The following TAF5 variants were observed in gnomAD, a reference collection of about 807,000 sequenced individuals.
TAF5 encodes transcription initiation factor TFIID subunit 5.
Under a neutral mutation model 80.9 loss-of-function variants are expected in TAF5, and 20 were observed. The observed-to-expected ratio is 0.25, with a 90% CI of 0.17 to 0.36. The LOEUF (loss-of-function observed/expected upper bound fraction) is 0.36. Among genes scored for constraint, TAF5 ranks in the 10% least tolerant of loss-of-function variants. The probability of loss-of-function intolerance (pLI) is 1.00; values close to 1 mark genes in which losing one functional copy is unlikely to be tolerated. For missense variants in TAF5, 863 were observed against 1,029.4 expected (o/e 0.84, Z 2.21); for synonymous variants, 388 against 406.4 (o/e 0.95, Z 0.55).
At position 103,373,369 on chromosome 10, in the gene TAF5, G is replaced by T. The variant is rs755130210; in HGVS notation, c.571G>T (p.Ala191Ser). The change falls in exon 2 of 11, where the codon GCT (alanine) becomes TCT (serine). Residue 191 changes from alanine (A) to serine (S), a missense_variant. By Grantham distance (99) the Ala-to-Ser change is moderately conservative. Around this residue, in one of 3 missense-constraint regions of TAF5, gnomAD observed 367 missense variants for 335.5 expected, o/e 1.09. Coordinates refer to ENST00000369839, the MANE Select transcript of TAF5 (RefSeq NM_006951.5). ...PAAPGKVGSV[A>S]VEDQPDVSAV... ...TGTTTTTTAAATAGTTGGAAGTGTT[G>T]CTGTGGAAGACCAGCCAGATGTCAG... is the stretch of plus-strand genomic sequence containing the variant. 6 of 1,613,730 alleles carry T rather than the reference G, an allele frequency of 3.7e-6. No individual in the cohort carries two copies. Among genetic ancestry groups the T allele is most frequent in the South Asian group, 2.2e-5 (2 of 90,958 alleles).
rs923532531 is a variant in TAF5, at chr10:103,368,450, C to G, written c.461C>G (p.Ser154Trp). The G allele has an allele frequency of 1.3e-6, 2 of 1,582,468 alleles. No individual in the cohort carries two copies. The highest frequency in any genetic ancestry group is 1.1e-5 in the South Asian group (1 of 88,822). Residue 154 changes from serine to tryptophan, a missense_variant, in exon 1 of 11, where the codon TCG (serine) becomes TGG (tryptophan). By Grantham distance (177) the Ser-to-Trp change is radical. Transcript: ENST00000369839. Reference protein sequence around the residue: ...TSALLSRVTASAPGPAAPDPP... With the variant: ...TSALLSRVTAWAPGPAAPDPP... ...GCGCTTCTCAGCCGGGTGACCGCCT[C>G]GGCCCCTGGCCCTGCGGCCCCCGAC...
intron 1 of TAF5, 83 bp downstream of exon 1, chr10:103,368,631 T>TG: frequency 7.2e-7 from 1 of 1,387,620 alleles, no homozygotes; most frequent in Non-Finnish European, 9.3e-7. Context: ...CCTGCACCTC[T>TG]GCGGGCTTGT....
chr10:103,374,941 G>T lies in TAF5; in HGVS notation c.797+1346G>T, dbSNP rs1360108221. Reference sequence around the variant, plus strand: ...CAGGAGTTTGAGACCAGCCTGGTGAGACCTAGTCTCTTCAAAAAAATGCAA... The same window carrying T: ...CAGGAGTTTGAGACCAGCCTGGTGATACCTAGTCTCTTCAAAAAAATGCAA... On this transcript the variant is annotated intron_variant, in intron 2 of 10. Coordinates refer to ENST00000369839, the MANE Select transcript of TAF5 (RefSeq NM_006951.5). This position sits in a 1 kb window ranked among gnomAD's most constrained non-coding sequence, Gnocchi z 4.3. 6.6e-6 allele frequency among the ~76,000 whole-genome samples: 1 copy of T among 151,786 alleles called. No individual in the cohort carries two copies. The highest frequency in any genetic ancestry group is 1.5e-5 in the Non-Finnish European group (1 of 67,922).
At position 103,388,249 on chromosome 10, in the gene TAF5, A is replaced by G. The variant is rs748594389; in HGVS notation, c.*26A>G. 2 of 1,577,122 alleles carry G rather than the reference A, an allele frequency of 1.3e-6. No homozygotes were observed. Among genetic ancestry groups the G allele is most frequent in the Non-Finnish European group, 1.7e-6 (2 of 1,159,642 alleles). ...ACCATCGGTATTAAAGACCTTTTGGAAGCTACTGTTTTTAAAAAGGGAGAC... is the reference window on the plus strand; with the variant it reads ...ACCATCGGTATTAAAGACCTTTTGGGAGCTACTGTTTTTAAAAAGGGAGAC... On this transcript the variant is annotated 3_prime_UTR_variant, in exon 11 of 11. Transcript: ENST00000369839.
At chr10:103,385,518 G>A in intron 8 of TAF5, 28 bp downstream of exon 8, 1 of 1,608,718 alleles carries the variant, frequency 6.2e-7, no homozygotes, top group East Asian at 2.2e-5. Flanking sequence ...TTATGACTGG[G>A]TCTATTCAAT....
chr10:103,378,643 C>G lies in TAF5; in HGVS notation c.1113+93C>G. The G allele has an allele frequency of 7.2e-7, 1 of 1,380,684 alleles. No individual in the cohort carries two copies. The highest frequency in any genetic ancestry group is 9.7e-7 in the Non-Finnish European group (1 of 1,031,722). 85.5% of individuals were successfully genotyped at this position (1,380,684 alleles called of 1,614,324 possible). On this transcript the variant is annotated intron_variant, in intron 3 of 10. Coordinates refer to ENST00000369839, the MANE Select transcript of TAF5 (RefSeq NM_006951.5). This position sits in a 1 kb window ranked among gnomAD's most constrained non-coding sequence, Gnocchi z 4.1. Reference sequence around the variant, plus strand: ...AGTTACACATTTTTCTTATAGCTAGCTTGGAAACAATTTTTTTCGTTTGTT... The same window carrying G: ...AGTTACACATTTTTCTTATAGCTAGGTTGGAAACAATTTTTTTCGTTTGTT...
Position 103,368,259 on chromosome 10 carries a change from T to G in TAF5, c.270T>G (p.Ala90=), listed in dbSNP as rs753387102. 5 of 1,521,162 alleles carry G rather than the reference T, an allele frequency of 3.3e-6. No individual in the cohort carries two copies. Among genetic ancestry groups the G allele is most frequent in the Non-Finnish European group, 3.5e-6 (4 of 1,141,084 alleles). The allele number at this position is 1,521,162 out of a possible 1,614,324, so 94.2% of individuals were successfully genotyped here. A position where few individuals can be genotyped will look rare whatever the true frequency, so the allele number is the denominator to read the frequency against. The change falls in exon 1 of 11, where the codon GCT becomes GCG. Residue 90 remains alanine, a synonymous_variant. Transcript: ENST00000369839. The part of the protein sequence containing the change: ...PVPAAAPDAG[A]PHDRQTLLAV... ...CCGCCGCTGCTCCGGACGCCGGCGC[T>G]CCGCATGACCGACAGACTCTACTGG...
rs145426026 is a variant in TAF5 at position 103,377,918 on chromosome 10, C to A, written c.798-317C>A. On this transcript the variant is annotated intron_variant, in intron 2 of 10. Coordinates refer to ENST00000369839, the MANE Select transcript of TAF5 (RefSeq NM_006951.5). ...TATATTTTCAAATGTCTACCAGTTT[C>A]TTTTAAATGTCTCCATTCTAAAGAA... Among the ~76,000 whole-genome samples the A allele has an allele frequency of 4.5e-4, 69 of 152,164 alleles. 1 individual carries two copies. The East Asian group carries it at 0.012, about 27-fold the overall frequency.
chr10:103,382,515 A>G (rs931902727), intron 6 of TAF5, among the ~76,000 whole-genome samples: 1 of 151,364 alleles, frequency 6.6e-6, no homozygotes, highest in African/African-American at 2.4e-5. Flanking sequence ...GCTCACTGCA[A>G]CCTCCACCTC....
At position 103,373,450 on chromosome 10, in the gene TAF5, T is replaced by C; in HGVS notation, c.652T>C (p.Tyr218His). The change falls in exon 2 of 11, where the codon TAT becomes CAT. Residue 218 changes from tyrosine (Y) to histidine (H), a missense_variant. Coordinates refer to ENST00000369839, the MANE Select transcript of TAF5 (RefSeq NM_006951.5). ...AGATCCCACAATGTATGAAGAATAC[T>C]ATAGTGGACTGAAACACTTCATTGA... ...QGDPTMYEEYYSGLKHFIECS... is the reference protein window; with the variant it reads ...QGDPTMYEEYHSGLKHFIECS... 1 of 1,614,212 alleles carries C rather than the reference T, an allele frequency of 6.2e-7. No individual in the cohort carries two copies. The highest frequency in any genetic ancestry group is 8.5e-7 in the Non-Finnish European group (1 of 1,180,028).
intron 6 of TAF5, 73 bp from the exon 7 acceptor site, chr10:103,383,165 C>T: frequency 7.3e-7 from 1 of 1,366,974 alleles, no homozygotes; most frequent in Non-Finnish European, 9.8e-7. Flanking sequence ...TCCTCTCCTG[C>T]ACTGTGATAT....
chr10:103,379,550 A>G, intron 3 of TAF5, 58 bp from the exon 4 acceptor site: 1 of 1,355,990 alleles, frequency 7.4e-7, no homozygotes, highest in Non-Finnish European at 1.0e-6. Flanking sequence ...ATCAAGATGT[A>G]AAATGGGTAT....
Position 103,378,581 on chromosome 10 carries a change from G to A in TAF5, c.1113+31G>A, listed in dbSNP as rs2093374830. 12 of 1,559,836 alleles carry A rather than the reference G, an allele frequency of 7.7e-6. No homozygotes were observed. The highest frequency in any genetic ancestry group is 1.2e-5 in the South Asian group (1 of 83,200). On this transcript the variant is annotated intron_variant, in intron 3 of 10. Coordinates refer to ENST00000369839, the MANE Select transcript of TAF5 (RefSeq NM_006951.5). The surrounding 1 kb of genome is among the most constrained non-coding windows in gnomAD (Gnocchi z 4.1). ...GGAATGAACCTAAGAACTCTATAATGCAGATTATGAAAAATTGTAGCATTT... is the reference window on the plus strand; with the variant it reads ...GGAATGAACCTAAGAACTCTATAATACAGATTATGAAAAATTGTAGCATTT...
intron 1 of TAF5, among the ~76,000 whole-genome samples, chr10:103,370,325 C>CTTTTTTTT (rs758002426): frequency 1.1e-5 from 1 of 88,946 alleles, no homozygotes; most frequent in African/African-American, 4.1e-5. Flanking sequence ...GGTTATGAGG[C>CTTTTTTTT]TTTTTTTTTT....
intron 1 of TAF5, 134 bp downstream of exon 1, chr10:103,368,682 C>G: frequency 8.2e-7 from 1 of 1,222,562 alleles, no homozygotes; most frequent in Non-Finnish European, 1.1e-6. Flanking sequence ...ACATGCCCGC[C>G]CCTTTCTCTA....
Position 103,388,152 on chromosome 10 carries a change from A to G in TAF5, c.2332A>G (p.Thr778Ala), listed in dbSNP as rs1431240574. 6.2e-7 allele frequency: 1 copy of G among 1,614,074 alleles called. No homozygotes were observed. The highest frequency in any genetic ancestry group is 1.3e-5 in the African/African-American group (1 of 75,052). Residue 778 changes from threonine (T) to alanine (A), a missense_variant, in exon 11 of 11, where the codon ACA becomes GCA. Thr to Ala is a moderately conservative substitution (Grantham distance 58, BLOSUM62 0). Around this residue, in one of 3 missense-constraint regions of TAF5, gnomAD observed 368 missense variants for 461.7 expected, o/e 0.80. Transcript: ENST00000369839. ...LLLGTYMTKS[T>A]PVVHLHFTRR... ...GTTGGGAACATATATGACCAAATCA[A>G]CACCAGTTGTACACCTTCATTTTAC...
chr10:103,379,982 C>T lies in TAF5; in HGVS notation c.1376C>T (p.Pro459Leu). 1.9e-6 allele frequency: 3 copies of T among 1,613,864 alleles called. No homozygotes were observed. Among genetic ancestry groups the T allele is most frequent in the Non-Finnish European group, 2.5e-6 (3 of 1,179,938 alleles). ...GTGCGCCTTGGGCCGGACTGCTTAC[C>T]CTCCATTTGTTTCTATACATTTCTC... ...KRVRLGPDCLPSICFYTFLNA... is the reference protein window; with the variant it reads ...KRVRLGPDCLLSICFYTFLNA... The change falls in exon 5 of 11, where the codon CCC (proline) becomes CTC (leucine). Residue 459 changes from proline to leucine, a missense_variant. Pro to Leu is a moderately conservative substitution (Grantham distance 98). This residue lies in a region of TAF5 where 368 missense variants were observed against 461.7 expected (regional missense o/e 0.80). Transcript: ENST00000369839.
chr10:103,386,779 T>G (rs1366595695), intron 8 of TAF5, among the ~76,000 whole-genome samples: 1 of 151,664 alleles, frequency 6.6e-6, no homozygotes, highest in Non-Finnish European at 1.5e-5. Context: ...TTCTCCTGCC[T>G]CAGCTTCCTG....
At chr10:103,380,882 A>G (rs940358857) in intron 5 of TAF5, among the ~76,000 whole-genome samples, 3 of 152,136 alleles carry the variant, frequency 2.0e-5, no homozygotes, top group Admixed American at 6.5e-5. Context: ...CAGCCTCCCA[A>G]AGTGCTGGGA....
Sources: gnomAD v4.1 joint callset for allele counts (sites outside exome capture counted in the v4.1 genomes callset) on GRCh38, gnomAD v4.1.1 for gene constraint, gnomAD v4.1.1 regional missense constraint, Gnocchi (gnomAD v3.1) non-coding constraint, MANE v1.5 for transcripts, NCBI Gene and HGNC (gene_info 2026-07-23, HGNC 2026-07-21) for gene names.